Variants in AMPH observed in about 807,000 individuals in gnomAD.
The protein encoded by AMPH is amphiphysin.
AMPH carries 49 observed loss-of-function variants against 99.1 expected under a neutral mutation model. The ratio of observed to expected loss-of-function variants is 0.49; its 90% CI spans 0.39 to 0.63. The LOEUF is 0.63. Ranked by LOEUF, AMPH falls within the 20% of genes least tolerant of loss-of-function variation. The probability of loss-of-function intolerance (pLI) is 0.00; values close to 1 mark genes in which losing one functional copy is unlikely to be tolerated. For synonymous variants in AMPH, 314 were observed against 317.3 expected (o/e 0.99, Z 0.11); for missense variants, 759 against 863.4 (o/e 0.88, Z 1.52).
At chr7:38,398,106 C>CAAA (rs36053688) in intron 17 of AMPH, among the ~76,000 whole-genome samples, 1 of 65,664 alleles carries the variant, frequency 1.5e-5, no homozygotes, top group African/African-American at 5.5e-5. Flanking sequence ...GGAGGTTCCT[C>CAAA]AAAAAAAAAA....
intron 2 of AMPH, among the ~76,000 whole-genome samples, chr7:38,523,282 G>C (rs1164441008): frequency 1.3e-5 from 2 of 152,006 alleles, no homozygotes; most frequent in Non-Finnish European, 2.9e-5. Context: ...TGTCCACTTA[G>C]AAGGCCTAGA....
At chr7:38,439,768 T>C (rs751235917) in intron 11 of AMPH, among the ~76,000 whole-genome samples, 4 of 152,156 alleles carry the variant, frequency 2.6e-5, no homozygotes, top group Non-Finnish European at 4.4e-5. Flanking sequence ...TAGGAAAACA[T>C]TGCCAATTAT....
At chr7:38,469,794 T>C (rs1034119101) in intron 7 of AMPH, among the ~76,000 whole-genome samples, 8 of 152,126 alleles carry the variant, frequency 5.3e-5, no homozygotes, top group African/African-American at 1.9e-4. Flanking sequence ...AGCCAAAACA[T>C]GAGCCCTCTA....
At chr7:38,401,950 C>T (rs1005969437) in intron 17 of AMPH, among the ~76,000 whole-genome samples, 1 of 152,008 alleles carries the variant, frequency 6.6e-6, no homozygotes, top group Non-Finnish European at 1.5e-5. Flanking sequence ...TGAGCTGTAT[C>T]TTCACTCCTT....
At chr7:38,413,768 T>A (rs116994578) in intron 17 of AMPH, among the ~76,000 whole-genome samples, 1 of 152,204 alleles carries the variant, frequency 6.6e-6, no homozygotes, top group Admixed American at 6.5e-5. Flanking sequence ...AGTTGGAAGA[T>A]CATTCTATGT....
intron 13 of AMPH, 88 bp downstream of exon 13, chr7:38,432,101 T>C: frequency 8.6e-7 from 1 of 1,157,716 alleles, no homozygotes; most frequent in Non-Finnish European, 1.3e-6. Flanking sequence ...TGTGTCTTCT[T>C]TCTGTTGCAA....
intron 11 of AMPH, among the ~76,000 whole-genome samples, chr7:38,443,090 C>T (rs1162462439): frequency 1.3e-5 from 2 of 151,928 alleles, no homozygotes; most frequent in Admixed American, 1.3e-4. Context: ...TATGATGAAC[C>T]ACTGTACTCC....
intron 7 of AMPH, among the ~76,000 whole-genome samples, chr7:38,466,628 C>G (rs1057093871): frequency 6.6e-6 from 1 of 151,820 alleles, no homozygotes; most frequent in Non-Finnish European, 1.5e-5. Flanking sequence ...TCAGAGACAA[C>G]GCTTATGGAA....
chr7:38,600,322 T>C (rs1793203220), intron 1 of AMPH, among the ~76,000 whole-genome samples: 1 of 152,154 alleles, frequency 6.6e-6, no homozygotes, highest in Non-Finnish European at 1.5e-5. Context: ...ATTCCTTCCA[T>C]TCCATGCCTC....
chr7:38,590,594 T>C (rs1300128153), intron 1 of AMPH, among the ~76,000 whole-genome samples: 6 of 152,220 alleles, frequency 3.9e-5, no homozygotes, highest in African/African-American at 1.2e-4. Context: ...TCTCAGATGA[T>C]AGATGATTTG....
intron 11 of AMPH, among the ~76,000 whole-genome samples, chr7:38,453,710 A>G (rs943800366): frequency 2.0e-5 from 3 of 152,236 alleles, no homozygotes; most frequent in Non-Finnish European, 4.4e-5. Context: ...TCTCTACTTC[A>G]GTTGCCTTGT....
chr7:38,619,882 T>G (rs911515665), intron 1 of AMPH, among the ~76,000 whole-genome samples: 3 of 152,182 alleles, frequency 2.0e-5, no homozygotes, highest in African/African-American at 7.2e-5. Flanking sequence ...GAGAAAATAT[T>G]GTGTTATAAA....
chr7:38,473,349 G>A (rs1787953036), intron 7 of AMPH, among the ~76,000 whole-genome samples: 1 of 152,132 alleles, frequency 6.6e-6, no homozygotes, highest in Non-Finnish European at 1.5e-5. Context: ...GAGATGATGA[G>A]TATCTTAAGT....
At chr7:38,388,155 A>G (rs1784396063) in intron 20 of AMPH, among the ~76,000 whole-genome samples, 1 of 152,300 alleles carries the variant, frequency 6.6e-6, no homozygotes, top group Admixed American at 6.5e-5. Context: ...AGAAACTCGG[A>G]CTTAAGGAAA....
At chr7:38,626,099 T>G (rs1039005843) in intron 1 of AMPH, among the ~76,000 whole-genome samples, 8 of 152,220 alleles carry the variant, frequency 5.3e-5, no homozygotes, top group African/African-American at 1.9e-4. Context: ...TTAGCACTAT[T>G]GCCTCTAACA....
At chr7:38,609,710 A>G (rs1793559410) in intron 1 of AMPH, among the ~76,000 whole-genome samples, 1 of 151,636 alleles carries the variant, frequency 6.6e-6, no homozygotes, top group Non-Finnish European at 1.5e-5. Context: ...TATAAGGTGT[A>G]TATATACATT....
At chr7:38,491,681 A>G (rs974641430) in intron 4 of AMPH, among the ~76,000 whole-genome samples, 8 of 152,246 alleles carry the variant, frequency 5.3e-5, no homozygotes, top group African/African-American at 1.4e-4. Flanking sequence ...TCCTACTGTC[A>G]CTATGTTAAG....
At chr7:38,483,185 G>C (rs1788358452) in intron 5 of AMPH, among the ~76,000 whole-genome samples, 1 of 152,196 alleles carries the variant, frequency 6.6e-6, no homozygotes. Flanking sequence ...CTACTTGCCT[G>C]TCTGGGATAG....
intron 1 of AMPH, among the ~76,000 whole-genome samples, chr7:38,568,351 G>A (rs1161329588): frequency 6.6e-6 from 1 of 152,188 alleles, no homozygotes; most frequent in Non-Finnish European, 1.5e-5. Flanking sequence ...TGTAGTCCCA[G>A]CTACTCAGGA....
Sources: gnomAD v4.1 joint callset for allele counts (sites outside exome capture counted in the v4.1 genomes callset) on GRCh38, gnomAD v4.1.1 for gene constraint, MANE v1.5 for transcripts, NCBI Gene and HGNC (gene_info 2026-07-23, HGNC 2026-07-21) for gene names.